PSMG2: variants seen among roughly 807,000 people sequenced by gnomAD.
PSMG2 encodes proteasome assembly chaperone 2.
In PSMG2, 21 loss-of-function variants were observed where a neutral mutation model predicts 31.5. The observed-to-expected ratio is 0.67, with a 90% CI of 0.47 to 0.96. PSMG2 has a LOEUF of 0.96. Ranked by LOEUF, PSMG2 falls within the 40% of genes least tolerant of loss-of-function variation. The pLI is 0.00. For synonymous variants in PSMG2, 120 were observed against 110.4 expected, an observed-to-expected ratio of 1.09 and a Z score of -0.54; for missense variants, 318 against 321.2, an observed-to-expected ratio of 0.99 and a Z score of 0.08.
chr18:12,709,717 G>A (rs922272365), intron 2 of PSMG2, among the ~76,000 whole-genome samples: 1 of 151,686 alleles, frequency 6.6e-6, no homozygotes, highest in African/African-American at 2.4e-5. Flanking sequence ...TCAGGCTGGT[G>A]TTGAACTCCT....
chr18:12,722,241 G>T (rs2040437898), intron 5 of PSMG2, among the ~76,000 whole-genome samples: 1 of 152,178 alleles, frequency 6.6e-6, no homozygotes, highest in Admixed American at 6.5e-5. Context: ...GACAATTTAT[G>T]AAACAACTGT....
upstream of PSMG2, chr18:12,702,550 C>T (rs554652595): frequency 1.1e-5 from 17 of 1,592,172 alleles, no homozygotes; most frequent in East Asian, 3.2e-4. Flanking sequence ...CAGCGACATG[C>T]TGGCAGCCGG....
At chr18:12,688,536 T>C (rs1370297963) in intron 1 of PSMG2, among the ~76,000 whole-genome samples, 1 of 152,180 alleles carries the variant, frequency 6.6e-6, no homozygotes. Flanking sequence ...CAATCATCAA[T>C]AGTAGCATCT....
intron 1 of PSMG2, among the ~76,000 whole-genome samples, chr18:12,681,335 C>T (rs2039343838): frequency 1.3e-5 from 2 of 149,630 alleles, no homozygotes. Flanking sequence ...CAGCCTTGAC[C>T]TCCTGGGCTT....
chr18:12,661,603 C>G (rs1006472607), intron 1 of PSMG2, among the ~76,000 whole-genome samples: 2 of 151,824 alleles, frequency 1.3e-5, no homozygotes, highest in Non-Finnish European at 2.9e-5. Flanking sequence ...GAAACCTCGT[C>G]TCTACTAAAA....
Position 12,716,390 on chromosome 18 carries a change from A to ATT in PSMG2, c.289-2107_289-2106dup, listed in dbSNP as rs552921643. ...TTTGGCAGCTGGAAGTAAAGAGTGA[A>ATT]TTTTTTTTTTTTTTTTTTTTTGAGA... On this transcript the variant is annotated intron_variant, in intron 3 of 6. Coordinates refer to ENST00000317615, the MANE Select transcript of PSMG2 (RefSeq NM_020232.5). 5.3e-3 allele frequency among the ~76,000 whole-genome samples: 692 copies of ATT among 130,322 alleles called. 11 individuals carry two copies. The highest frequency in any genetic ancestry group is 0.014 in the African/African-American group (492 of 34,528). The allele number at this position is 130,322 out of a possible 152,430, so 85.5% of individuals were successfully genotyped here. A position where few individuals can be genotyped will look rare whatever the true frequency, so the allele number is the denominator to read the frequency against.
intron 1 of PSMG2, among the ~76,000 whole-genome samples, chr18:12,677,827 T>TA (rs2039197892): frequency 6.6e-6 from 1 of 152,130 alleles, no homozygotes; most frequent in Non-Finnish European, 1.5e-5. Flanking sequence ...CAAATAGTGG[T>TA]ATTCAGCAAA....
At chr18:12,696,900 T>A (rs1228366718) in intron 1 of PSMG2, among the ~76,000 whole-genome samples, 1 of 152,180 alleles carries the variant, frequency 6.6e-6, no homozygotes, top group Non-Finnish European at 1.5e-5. Flanking sequence ...AGTTTGTATG[T>A]GTGTCAAGAA....
At chr18:12,711,366 C>T (rs1198190493) in intron 2 of PSMG2, among the ~76,000 whole-genome samples, 1 of 152,150 alleles carries the variant, frequency 6.6e-6, no homozygotes, top group African/African-American at 2.4e-5. Context: ...CCTGTCCACC[C>T]CCTACAGATA....
chr18:12,672,931 T>TGAGGTTA, intron 1 of PSMG2: 2 of 982,504 alleles, frequency 2.0e-6, no homozygotes, highest in Non-Finnish European at 2.4e-6. Context: ...AAATCTGTCA[T>TGAGGTTA]GAGGTTAATT....
intron 1 of PSMG2, among the ~76,000 whole-genome samples, chr18:12,665,474 G>A (rs1401331297): frequency 1.3e-5 from 2 of 152,090 alleles, no homozygotes; most frequent in African/African-American, 2.4e-5. Flanking sequence ...TTTGTATAAA[G>A]AGCCACTGAT....
intron 1 of PSMG2, chr18:12,695,175 A>G: frequency 1.9e-6 from 1 of 517,078 alleles, no homozygotes; most frequent in South Asian, 4.3e-5. Flanking sequence ...CTAAAAATAG[A>G]GTGCTTTCTA....
intron 1 of PSMG2, chr18:12,665,253 A>C (rs1402473232): frequency 6.6e-6 from 1 of 152,150 alleles, no homozygotes; most frequent in Non-Finnish European, 1.5e-5. Context: ...TTGCCTTAGT[A>C]ATTTTTGTAG....
Position 12,725,573 on chromosome 18 carries a change from C to T in PSMG2, c.*42C>T. 7.0e-7 allele frequency: 1 copy of T among 1,419,020 alleles called. No homozygotes were observed. The highest frequency in any genetic ancestry group is 9.8e-7 in the Non-Finnish European group (1 of 1,016,892). 87.9% of individuals were successfully genotyped at this position (1,419,020 alleles called of 1,614,324 possible). ...TACCTTATACCCAAAACACTTACTACCAACACAGCTGTTAAACATTCTATA... is the reference window on the plus strand; with the variant it reads ...TACCTTATACCCAAAACACTTACTATCAACACAGCTGTTAAACATTCTATA... On this transcript the variant is annotated 3_prime_UTR_variant, in exon 7 of 7. Transcript: ENST00000317615.
chr18:12,687,207 G>A (rs1259899417), intron 1 of PSMG2, among the ~76,000 whole-genome samples: 2 of 152,054 alleles, frequency 1.3e-5, no homozygotes, highest in Non-Finnish European at 2.9e-5. Context: ...CCCTGATAGG[G>A]TTCCTCAGGA....
At chr18:12,705,572 A>AGT (rs1341255881) in intron 1 of PSMG2, among the ~76,000 whole-genome samples, 103 of 129,334 alleles carry the variant, frequency 8.0e-4, no homozygotes, top group African/African-American at 1.3e-3. Flanking sequence ...AGAGAGAGAG[A>AGT]GAGAGTGTGT....
intron 1 of PSMG2, chr18:12,678,201 A>G: frequency 6.2e-7 from 1 of 1,614,176 alleles, no homozygotes; most frequent in Non-Finnish European, 8.5e-7. Flanking sequence ...AGAGGTGGAA[A>G]GGGAGGAAGG....
In PSMG2 at chr18:12,724,565, T is replaced by A; in HGVS notation, c.648T>A (p.Asp216Glu). The A allele has an allele frequency of 6.2e-7, 1 of 1,611,686 alleles. No homozygotes were observed. Among genetic ancestry groups the A allele is most frequent in the South Asian group, 1.1e-5 (1 of 90,566 alleles). The stretch of plus-strand genomic sequence containing the variant: ...TTTCAGAAGGGGACAACATCCCAGA[T>A]GCATTAGGTCTTGTTGAGTATCTTA... The part of the protein sequence containing the change: ...KFVSEGDNIP[D>E]ALGLVEYLNE... The change falls in exon 6 of 7, where the codon GAT (aspartate) becomes GAA (glutamate). Residue 216 changes from aspartate to glutamate, a missense_variant. Asp to Glu is a conservative substitution (Grantham distance 45). Transcript: ENST00000317615.
chr18:12,671,237 C>A (rs1394859133), intron 1 of PSMG2: 1 of 152,058 alleles, frequency 6.6e-6, no homozygotes, highest in African/African-American at 2.4e-5. Flanking sequence ...AGCCATCACA[C>A]CTGGCCCAAA....
Sources: gnomAD v4.1 joint callset for allele counts (sites outside exome capture counted in the v4.1 genomes callset) on GRCh38, gnomAD v4.1.1 for gene constraint, MANE v1.5 for transcripts, NCBI Gene and HGNC (gene_info 2026-07-23, HGNC 2026-07-21) for gene names.